The following SPATA1 variants were observed in gnomAD, a reference collection of about 807,000 sequenced individuals.
SPATA1 encodes the protein spermatogenesis associated 1, also known as spermatogenesis-associated protein 1.
A neutral mutation model predicts 59.6 loss-of-function variants in SPATA1; 57 were observed. The observed-to-expected ratio is 0.96, with a 90% CI of 0.77 to 1.19. The LOEUF (loss-of-function observed/expected upper bound fraction) is 1.19, where lower values mean the gene tolerates loss of function less well. Among genes scored for constraint, SPATA1 ranks in the 50% most tolerant of loss-of-function variants. The pLI is 0.00. For missense variants in SPATA1, 448 were observed against 480.7 expected, an observed-to-expected ratio of 0.93 and a Z score of 0.64; for synonymous variants, 147 against 163.9, an observed-to-expected ratio of 0.90 and a Z score of 0.79.
exon 8 of SPATA1, chr1:84,533,718 T>C (rs1311239918): frequency 6.4e-7 from 1 of 1,564,642 alleles, no homozygotes; most frequent in Non-Finnish European, 8.7e-7. Context: ...GTCAGTGTCT[T>C]TGGGAAAATG....
At chr1:84,557,445 A>G (rs938565501), downstream of SPATA1, among the ~76,000 whole-genome samples, 1 of 145,494 alleles carries the variant, frequency 6.9e-6, no homozygotes, top group Non-Finnish European at 1.5e-5. Context: ...AGGCAGGAGA[A>G]TTGCTTGAAC....
chr1:84,512,105 A>G (rs570219203), intron 1 of SPATA1, among the ~76,000 whole-genome samples: 1 of 152,320 alleles, frequency 6.6e-6, no homozygotes, highest in East Asian at 1.9e-4. Flanking sequence ...CATAATCTGA[A>G]TTTATCCTGA....
intron 1 of SPATA1, among the ~76,000 whole-genome samples, chr1:84,509,964 G>T (rs1682464379): frequency 6.6e-6 from 1 of 152,154 alleles, no homozygotes; most frequent in African/African-American, 2.4e-5. Context: ...GAAGCAGGTA[G>T]ATTTCTCGAA....
chr1:84,556,203 C>T (rs1684425310), downstream of SPATA1, among the ~76,000 whole-genome samples: 1 of 151,904 alleles, frequency 6.6e-6, no homozygotes, highest in East Asian at 1.9e-4. Context: ...AGCACATGAG[C>T]TATTGGATAA....
At chr1:84,509,151 A>T (rs1459123508) in intron 1 of SPATA1, among the ~76,000 whole-genome samples, 1 of 152,006 alleles carries the variant, frequency 6.6e-6, no homozygotes, top group African/African-American at 2.4e-5. Context: ...GAATCATGTT[A>T]CCTGACCTCA....
intron 3 of SPATA1, among the ~76,000 whole-genome samples, chr1:84,521,596 ATT>A (rs1270739532): frequency 6.6e-6 from 1 of 151,874 alleles, no homozygotes; most frequent in African/African-American, 2.4e-5. Flanking sequence ...TAATCACTGT[ATT>A]TTAAATCATT....
intron 6 of SPATA1, among the ~76,000 whole-genome samples, chr1:84,528,175 T>C (rs1320781330): frequency 6.6e-6 from 1 of 152,238 alleles, no homozygotes; most frequent in Non-Finnish European, 1.5e-5. Flanking sequence ...TAGAGATAAC[T>C]ACTACTTTGA....
At chr1:84,527,447 A>C (rs1683268499) in intron 6 of SPATA1, 1 of 152,086 alleles carries the variant, frequency 6.6e-6, no homozygotes, top group South Asian at 2.1e-4. Context: ...AAATGTAAAG[A>C]AGAAAATAAA....
At chr1:84,560,254 C>T (rs918886254) in intron 4 of SPATA1, among the ~76,000 whole-genome samples, 3 of 152,046 alleles carry the variant, frequency 2.0e-5, no homozygotes, top group Non-Finnish European at 4.4e-5. Context: ...CCTTTCCCAC[C>T]ACCACCTTTC....
At chr1:84,520,931 GTAT>G (rs1358871943) in intron 3 of SPATA1, among the ~76,000 whole-genome samples, 1 of 152,078 alleles carries the variant, frequency 6.6e-6, no homozygotes, top group Admixed American at 6.6e-5. Context: ...TATAACCTGT[GTAT>G]TATTATGGTT....
intron 3 of SPATA1, among the ~76,000 whole-genome samples, chr1:84,521,458 T>C (rs11163995): frequency 0.071 from 10,879 of 152,200 alleles, 778 homozygotes; most frequent in African/African-American, 0.18. Flanking sequence ...CTGGAACACA[T>C]AGCCCTACCT....
intron 4 of SPATA1, among the ~76,000 whole-genome samples, chr1:84,559,911 C>T (rs552284281): frequency 6.6e-6 from 1 of 151,570 alleles, no homozygotes; most frequent in East Asian, 1.9e-4. Context: ...ATAGTGAAAC[C>T]CCATCTCTAC....
chr1:84,520,017 T>G (rs775268668), intron 2 of SPATA1: 2 of 152,180 alleles, frequency 1.3e-5, no homozygotes, highest in Non-Finnish European at 2.9e-5. Flanking sequence ...GAAAAGTGGA[T>G]AGTTACATAG....
At chr1:84,557,957 G>A (rs1684496956), downstream of SPATA1, among the ~76,000 whole-genome samples, 1 of 151,964 alleles carries the variant, frequency 6.6e-6, no homozygotes, top group East Asian at 1.9e-4. Flanking sequence ...CCTGAATTCT[G>A]AGACCTAAAG....
intron 8 of SPATA1, among the ~76,000 whole-genome samples, chr1:84,538,814 C>G (rs1683808733): frequency 6.6e-6 from 1 of 152,070 alleles, no homozygotes; most frequent in African/African-American, 2.4e-5. Context: ...TTTGGTTTTG[C>G]TTTGAGACAG....
At position 84,522,527 on chromosome 1, in the gene SPATA1, C is replaced by A. The variant is rs1305148740; in HGVS notation, c.261+20C>A. ...GCTGTGGTAAGTTTTCTTTTTTTTT[C>A]TTTCTGATTGAGAAAGACCATACCT... On this transcript the variant is annotated intron_variant, in intron 4 of 12. Transcript: ENST00000490879. The A allele has an allele frequency of 1.5e-6, 2 of 1,336,744 alleles. No homozygotes were observed. The highest frequency in any genetic ancestry group is 1.0e-6 in the Non-Finnish European group (1 of 979,468). 82.8% of individuals were successfully genotyped at this position (1,336,744 alleles called of 1,614,324 possible).
intron 1 of SPATA1, chr1:84,506,861 A>G (rs779456876): frequency 6.6e-6 from 1 of 152,224 alleles, no homozygotes; most frequent in Non-Finnish European, 1.5e-5. Context: ...TAGCTCTTGA[A>G]TCGGTTTTTC....
At chr1:84,518,682 C>T (rs1682892558) in intron 2 of SPATA1, among the ~76,000 whole-genome samples, 1 of 151,884 alleles carries the variant, frequency 6.6e-6, no homozygotes, top group African/African-American at 2.4e-5. Context: ...TTCAATCATA[C>T]TGGCATGCTC....
chr1:84,532,654 A>G (rs1275810891), intron 6 of SPATA1, among the ~76,000 whole-genome samples: 2 of 150,474 alleles, frequency 1.3e-5, no homozygotes, highest in Non-Finnish European at 2.9e-5. Context: ...CCCAAGCTGA[A>G]TTAACCAAAT....
Sources: gnomAD v4.1 joint callset for allele counts (sites outside exome capture counted in the v4.1 genomes callset) on GRCh38, gnomAD v4.1.1 for gene constraint, MANE v1.5 for transcripts, NCBI Gene and HGNC (gene_info 2026-07-23, HGNC 2026-07-21) for gene names.